The following MOSPD2 variants were observed in gnomAD, a reference collection of about 807,000 sequenced individuals.
The protein encoded by MOSPD2 is motile sperm domain-containing protein 2.
In MOSPD2, 5 loss-of-function variants were observed where a neutral mutation model predicts 41.7. The ratio of observed to expected loss-of-function variants is 0.12; its 90% CI spans 0.06 to 0.25. The LOEUF is 0.25. MOSPD2 is among the 10% of genes least tolerant of loss of function. MOSPD2 has a pLI of 1.00. For synonymous variants in MOSPD2, 115 were observed against 126.9 expected (o/e 0.91, Z 0.63); for missense variants, 282 against 375.2 (o/e 0.75, Z 2.05).
At chrX:14,881,569 G>A (rs2092531501) in intron 2 of MOSPD2, among the ~76,000 whole-genome samples, 3 of 111,986 alleles carry the variant, frequency 2.7e-5, no homozygotes, top group Non-Finnish European at 5.6e-5. Flanking sequence ...CTTTGCATCT[G>A]CAATACCTGG....
intron 5 of MOSPD2, among the ~76,000 whole-genome samples, chrX:14,899,133 T>TTTTTTTTTTTTTTTTTTTTTTTTGA (rs2092568009): frequency 9.5e-6 from 1 of 105,447 alleles, no homozygotes; most frequent in Non-Finnish European, 2.0e-5. Flanking sequence ...AAGTCTTTCA[T>TTTTTTTTTTTTTTTTTTTTTTTTGA]GGGTCCTCAA....
intron 12 of MOSPD2, 73 bp downstream of exon 12, chrX:14,915,837 A>C (rs1217799522): frequency 2.7e-5 from 23 of 855,781 alleles, no homozygotes; most frequent in Non-Finnish European, 3.6e-5. Flanking sequence ...CTTGGCTCTG[A>C]GTCAGCAGAG....
At chrX:14,909,486 C>T (rs1178207978) in intron 8 of MOSPD2, among the ~76,000 whole-genome samples, 1 of 111,494 alleles carries the variant, frequency 9.0e-6, no homozygotes, top group East Asian at 2.8e-4. Flanking sequence ...GCATAGTATT[C>T]TACTATCTAG....
chrX:14,901,250 A>G (rs1015706781), intron 6 of MOSPD2, among the ~76,000 whole-genome samples: 5 of 111,627 alleles, frequency 4.5e-5, no homozygotes, highest in Non-Finnish European at 9.4e-5. Flanking sequence ...TTGAATTTGT[A>G]TGATGGGTTC....
In MOSPD2 at chrX:14,921,434, G is replaced by A. The variant is rs2092609425; in HGVS notation, c.*1625G>A. 1 of 931,700 alleles carries A rather than the reference G, an allele frequency of 1.1e-6. No individual in the cohort carries two copies. The allele number at this position is 931,700 out of a possible 1,213,427, so 76.8% of individuals were successfully genotyped here. Reference sequence around the variant, plus strand: ...CAGTCCACCCTAAGTACTGTGCACAGTATCTCCCTGTGTGTGTGCACAGTG... The same window carrying A: ...CAGTCCACCCTAAGTACTGTGCACAATATCTCCCTGTGTGTGTGCACAGTG... On this transcript the variant is annotated 3_prime_UTR_variant, in exon 15 of 15. Coordinates refer to ENST00000380492, the MANE Select transcript of MOSPD2 (RefSeq NM_152581.4).
chrX:14,886,379 A>T (rs1427497634), intron 2 of MOSPD2, among the ~76,000 whole-genome samples: 1 of 110,539 alleles, frequency 9.0e-6, no homozygotes, highest in African/African-American at 3.3e-5. Context: ...GTACTAAGGA[A>T]TCCAGCTCTT....
intron 2 of MOSPD2, among the ~76,000 whole-genome samples, chrX:14,879,395 T>G (rs936278597): frequency 7.2e-5 from 8 of 111,639 alleles, no homozygotes; most frequent in African/African-American, 2.6e-4. Flanking sequence ...ACCATTTTCC[T>G]TTTTCACCTT....
chrX:14,905,604 C>T (rs1258800496), intron 7 of MOSPD2, among the ~76,000 whole-genome samples: 2 of 111,058 alleles, frequency 1.8e-5, no homozygotes, highest in Non-Finnish European at 3.8e-5. Context: ...AACGATTCTC[C>T]TGCCTCAGCC....
chrX:14,897,077 C>T lies in MOSPD2; in HGVS notation c.323-7C>T. 1 of 1,167,261 alleles carries T rather than the reference C, an allele frequency of 8.6e-7. No homozygotes were observed. The highest frequency in any genetic ancestry group is 1.1e-6 in the Non-Finnish European group (1 of 873,304). ...GTCTTGTTCTTATTTTTATCTTCTG[C>T]TTAAAGTCTGGATCAGGGTGAAGTA... is the stretch of plus-strand genomic sequence containing the variant. On this transcript the variant is annotated splice_polypyrimidine_tract_variant and splice_region_variant and intron_variant, in intron 4 of 14. Transcript: ENST00000380492.
chrX:14,878,690 C>T (rs984123789), intron 2 of MOSPD2, among the ~76,000 whole-genome samples: 3 of 111,438 alleles, frequency 2.7e-5, no homozygotes, highest in Non-Finnish European at 5.7e-5. Context: ...TTTTGGTTTA[C>T]TATTTTTTTT....
chrX:14,883,801 GA>G (rs1569099889), intron 2 of MOSPD2, among the ~76,000 whole-genome samples: 1 of 111,216 alleles, frequency 9.0e-6, no homozygotes, highest in Non-Finnish European at 1.9e-5. Flanking sequence ...CTTCCAGAAG[GA>G]AAAAAAGAGT....
chrX:14,918,504 C>T (rs1032934639), intron 13 of MOSPD2, among the ~76,000 whole-genome samples, 176 bp from the exon 14 acceptor site: 3 of 112,192 alleles, frequency 2.7e-5, no homozygotes, highest in Non-Finnish European at 1.9e-5. Flanking sequence ...CATTAATTAA[C>T]GAAGCTGGAA....
rs1025805325 is a variant in MOSPD2 at position 14,920,617 on chromosome X, C to G, written c.*808C>G. On this transcript the variant is annotated 3_prime_UTR_variant, in exon 15 of 15. Transcript: ENST00000380492. ...TATAGCTGGACACTGAACCTTTTGC[C>G]TAATTTATTATAAAGGCCTGACCCT... The G allele has an allele frequency of 6.6e-6, 5 of 753,612 alleles. No homozygotes were observed. The highest frequency in any genetic ancestry group is 7.8e-6 in the Non-Finnish European group (5 of 638,991). 62.1% of individuals were successfully genotyped at this position (753,612 alleles called of 1,213,427 possible).
chrX:14,885,318 T>G (rs1392221142), intron 2 of MOSPD2: 2 of 111,421 alleles, frequency 1.8e-5, no homozygotes, highest in Non-Finnish European at 3.8e-5. Context: ...CTTAAAAACA[T>G]GTCATATGAT....
intron 2 of MOSPD2, among the ~76,000 whole-genome samples, chrX:14,892,219 G>A (rs1170107310): frequency 2.7e-5 from 3 of 111,636 alleles, no homozygotes; most frequent in African/African-American, 9.8e-5. Flanking sequence ...TTGGCCCATG[G>A]TTCTGCAGGC....
At chrX:14,876,782 G>T (rs1454466299) in intron 2 of MOSPD2, among the ~76,000 whole-genome samples, 1 of 111,972 alleles carries the variant, frequency 8.9e-6, no homozygotes, top group Non-Finnish European at 1.9e-5. Context: ...ACCTAGTAGA[G>T]GCATTAAAAC....
chrX:14,920,435 A>G lies in MOSPD2; in HGVS notation c.*626A>G. 1 of 754,692 alleles carries G rather than the reference A, an allele frequency of 1.3e-6. No individual in the cohort carries two copies. The highest frequency in any genetic ancestry group is 1.6e-6 in the Non-Finnish European group (1 of 639,400). The allele number at this position is 754,692 out of a possible 1,213,427, so 62.2% of individuals were successfully genotyped here. On this transcript the variant is annotated 3_prime_UTR_variant, in exon 15 of 15. Transcript: ENST00000380492. ...AGTGTTCCTTAACAGCCTGCCTTTT[A>G]TTAATCTCAGGCTTTTTTATGAACA...
At chrX:14,877,685 T>G (rs1183063783) in intron 2 of MOSPD2, among the ~76,000 whole-genome samples, 1 of 104,842 alleles carries the variant, frequency 9.5e-6, no homozygotes, top group Non-Finnish European at 2.0e-5. Flanking sequence ...GTTAGAAGAC[T>G]ATTCTGGGTT....
At chrX:14,911,969 TTTTA>T (rs1376348604) in intron 9 of MOSPD2, among the ~76,000 whole-genome samples, 2 of 112,517 alleles carry the variant, frequency 1.8e-5, no homozygotes, top group African/African-American at 6.5e-5. Context: ...TCTAAAATTT[TTTTA>T]TTTGTCTAAA....
Sources: allele counts gnomAD v4.1 joint callset (sites outside exome capture counted in the v4.1 genomes callset), GRCh38; gene constraint gnomAD v4.1.1; transcripts MANE v1.5; gene names NCBI Gene and HGNC (gene_info 2026-07-23, HGNC 2026-07-21).